The following TMCC1 variants were observed in gnomAD, a reference collection of about 807,000 sequenced individuals.
TMCC1 encodes the protein transmembrane and coiled-coil domains protein 1.
A neutral mutation model predicts 52.4 loss-of-function variants in TMCC1; 15 were observed. The ratio of observed to expected loss-of-function variants is 0.29; its 90% confidence interval spans 0.19 to 0.44. The LOEUF is 0.44. Among genes scored for constraint, TMCC1 ranks in the 20% least tolerant of loss-of-function variants. The pLI is 1.00. For missense variants in TMCC1, 503 were observed against 806.0 expected, an observed-to-expected ratio of 0.62 and a Z score of 4.55; for synonymous variants, 279 against 301.9, an observed-to-expected ratio of 0.92 and a Z score of 0.79.
At chr3:129,761,954 G>A (rs2053634564) in intron 4 of TMCC1, among the ~76,000 whole-genome samples, 1 of 126,524 alleles carries the variant, frequency 7.9e-6, no homozygotes, top group African/African-American at 3.0e-5. Context: ...TCGTGCCATT[G>A]CACTCCAGCC....
At chr3:129,790,041 A>G (rs1177106186) in intron 4 of TMCC1, among the ~76,000 whole-genome samples, 5 of 152,198 alleles carry the variant, frequency 3.3e-5, no homozygotes, top group African/African-American at 1.2e-4. Context: ...CCATATGAAA[A>G]ATGTAAAGAC....
intron 4 of TMCC1, among the ~76,000 whole-genome samples, chr3:129,723,200 C>T (rs944809994): frequency 1.3e-4 from 20 of 152,236 alleles, no homozygotes; most frequent in African/African-American, 4.8e-4. Flanking sequence ...AAAGCTGGAT[C>T]ATCCTCCAAT....
chr3:129,683,920 T>C (rs2089208925), intron 4 of TMCC1, among the ~76,000 whole-genome samples: 1 of 152,206 alleles, frequency 6.6e-6, no homozygotes, highest in Non-Finnish European at 1.5e-5. Flanking sequence ...TACTCCAGGG[T>C]GTTATCTTTC....
intron 4 of TMCC1, among the ~76,000 whole-genome samples, chr3:129,699,033 G>C (rs2047620090): frequency 6.6e-6 from 1 of 151,962 alleles, no homozygotes; most frequent in Non-Finnish European, 1.5e-5. Context: ...TATTTTATTT[G>C]ATTACATGGA....
chr3:129,753,299 T>A (rs1378213674), intron 4 of TMCC1, among the ~76,000 whole-genome samples: 1 of 152,172 alleles, frequency 6.6e-6, no homozygotes, highest in Non-Finnish European at 1.5e-5. Context: ...TTCCAGAGTA[T>A]GAAATGTGGA....
intron 4 of TMCC1, among the ~76,000 whole-genome samples, chr3:129,676,365 G>T (rs2088448761): frequency 6.6e-6 from 1 of 152,168 alleles, no homozygotes; most frequent in South Asian, 2.1e-4. Context: ...AAAAGCTAGG[G>T]ATATGGTCAG....
At chr3:129,689,383 T>G (rs1468993513) in intron 4 of TMCC1, among the ~76,000 whole-genome samples, 1 of 152,224 alleles carries the variant, frequency 6.6e-6, no homozygotes, top group African/African-American at 2.4e-5. Flanking sequence ...TATTCCTTTA[T>G]TTGTAAAAGC....
chr3:129,884,220 CA>C (rs1373513826), intron 1 of TMCC1, among the ~76,000 whole-genome samples: 1 of 151,488 alleles, frequency 6.6e-6, no homozygotes, highest in Non-Finnish European at 1.5e-5. Flanking sequence ...CAAAGAGCAC[CA>C]AAAAAAGGTA....
intron 4 of TMCC1, among the ~76,000 whole-genome samples, chr3:129,788,640 T>G (rs2056222656): frequency 6.6e-6 from 1 of 151,950 alleles, no homozygotes. Context: ...TTTTTTTTTT[T>G]TGTATTTTTA....
intron 4 of TMCC1, 150 bp from the exon 5 acceptor site, chr3:129,671,414 T>G: frequency 1.3e-6 from 1 of 792,770 alleles, no homozygotes. Flanking sequence ...CAGCCCTGTC[T>G]CCCTCTTACA....
At chr3:129,795,470 C>CT in intron 4 of TMCC1, among the ~76,000 whole-genome samples, 1 of 151,280 alleles carries the variant, frequency 6.6e-6, no homozygotes, top group Non-Finnish European at 1.5e-5. Flanking sequence ...TTTTTTTTCC[C>CT]TGTTCCAGTG....
chr3:129,876,867 G>A (rs1218411122), intron 2 of TMCC1, among the ~76,000 whole-genome samples: 1 of 152,134 alleles, frequency 6.6e-6, no homozygotes. Flanking sequence ...TGAGGCAGGA[G>A]AATGGTGTGA....
intron 4 of TMCC1, among the ~76,000 whole-genome samples, chr3:129,824,576 T>C (rs1489005612): frequency 6.6e-6 from 1 of 152,184 alleles, no homozygotes; most frequent in African/African-American, 2.4e-5. Context: ...GGAAAGGACA[T>C]AGCCATAAAC....
intron 5 of TMCC1, among the ~76,000 whole-genome samples, chr3:129,665,266 C>T (rs750135341): frequency 4.6e-5 from 7 of 152,092 alleles, no homozygotes; most frequent in Non-Finnish European, 1.0e-4. Context: ...AGTCATGGTA[C>T]AATTATGTGG....
chr3:129,893,003 G>A (rs1297736472), intron 1 of TMCC1, among the ~76,000 whole-genome samples: 1 of 152,112 alleles, frequency 6.6e-6, no homozygotes, highest in East Asian at 1.9e-4. Context: ...TCGAAAGACA[G>A]TTCAAAATCA....
rs930545742 is a variant in TMCC1 at position 129,648,015 on chromosome 3, C to CTAGT, written c.*3462_*3465dup. The CTAGT allele has an allele frequency of 2.0e-5, 3 of 152,640 alleles. No homozygotes were observed. The highest frequency in any genetic ancestry group is 7.2e-5 in the African/African-American group (3 of 41,454). 9.5% of individuals were successfully genotyped at this position (152,640 alleles called of 1,614,324 possible). On this transcript the variant is annotated 3_prime_UTR_variant, in exon 7 of 7. Coordinates refer to ENST00000393238, the MANE Select transcript of TMCC1 (RefSeq NM_001017395.5). ...TACACACTTTGATAAAACACACAGT[C>CTAGT]TAGTAGTCAATCCCTACTGAGGATA...
In TMCC1 at chr3:129,752,166, A is replaced by G. The variant is rs188629804; in HGVS notation, c.576+75637T>C. On this transcript the variant is annotated intron_variant, in intron 4 of 6. Coordinates refer to ENST00000393238, the MANE Select transcript of TMCC1 (RefSeq NM_001017395.5). ...ATAAACTTACAACAGTTCTCTAGGT[A>G]GCATTCTGGAAGGAGAAATGGCATC... 1.2e-3 allele frequency among the ~76,000 whole-genome samples: 180 copies of G among 152,326 alleles called. 1 individual carries two copies. The highest frequency in any genetic ancestry group is 4.1e-3 in the African/African-American group (170 of 41,580).
At chr3:129,765,944 A>G (rs2054091136) in intron 4 of TMCC1, among the ~76,000 whole-genome samples, 1 of 152,160 alleles carries the variant, frequency 6.6e-6, no homozygotes, top group Non-Finnish European at 1.5e-5. Context: ...TAGATCACCT[A>G]CATACAATAT....
chr3:129,763,210 AT>A (rs1451198118), intron 4 of TMCC1, among the ~76,000 whole-genome samples: 4,482 of 79,576 alleles, frequency 0.056, 555 homozygotes, highest in African/African-American at 0.27. Flanking sequence ...AAAATAAAAA[AT>A]AAATAAATAA....
Sources: gnomAD v4.1 joint callset for allele counts (sites outside exome capture counted in the v4.1 genomes callset) on GRCh38, gnomAD v4.1.1 for gene constraint, MANE v1.5 for transcripts, NCBI Gene and HGNC (gene_info 2026-07-23, HGNC 2026-07-21) for gene names.